The following CHRM5 variants were observed in gnomAD, a reference collection of about 807,000 sequenced individuals.
CHRM5 encodes the protein cholinergic receptor muscarinic 5.
A neutral mutation model predicts 39.0 loss-of-function variants in CHRM5; 18 were observed. That is an observed-to-expected ratio of 0.46 (90% CI 0.32 to 0.68). CHRM5 has a LOEUF of 0.68. Among genes scored for constraint, CHRM5 ranks in the 30% least tolerant of loss-of-function variants. The probability of loss-of-function intolerance (pLI) is 0.04; values close to 1 mark genes in which losing one functional copy is unlikely to be tolerated. For missense variants in CHRM5, 515 were observed against 651.1 expected, an observed-to-expected ratio of 0.79 and a Z score of 2.28; for synonymous variants, 241 against 246.3, an observed-to-expected ratio of 0.98 and a Z score of 0.20.
At chr15:34,013,712 G>A (rs139709080) in intron 1 of CHRM5, among the ~76,000 whole-genome samples, 7 of 152,204 alleles carry the variant, frequency 4.6e-5, no homozygotes, top group East Asian at 3.9e-4. Context: ...AAGATGTTAC[G>A]GAAGCACAGA....
intron 1 of CHRM5, among the ~76,000 whole-genome samples, chr15:33,977,956 A>C (rs1895955978): frequency 6.6e-6 from 1 of 151,490 alleles, no homozygotes; most frequent in East Asian, 1.9e-4. Context: ...AAAGAAAAGA[A>C]AAGAAAGAGA....
intron 2 of CHRM5, among the ~76,000 whole-genome samples, chr15:34,050,592 G>A (rs1899896774): frequency 6.6e-6 from 1 of 152,134 alleles, no homozygotes; most frequent in Admixed American, 6.5e-5. Flanking sequence ...TCAGTATGCT[G>A]TCTTCAAGAG....
chr15:34,039,931 C>A (rs1899394195), intron 1 of CHRM5, among the ~76,000 whole-genome samples: 1 of 152,104 alleles, frequency 6.6e-6, no homozygotes, highest in Admixed American at 6.5e-5. Flanking sequence ...AAGGAGAAAA[C>A]AGGAAGGGGA....
chr15:34,063,446 GC>G lies in CHRM5; in HGVS notation c.731del (p.Pro244GlnfsTer104). ...CTGTGACCAAAGCTGAGAAGAGAAA[GC>G]CAGCTCATAGGGCTCTGTTCAGATC... is the stretch of plus-strand genomic sequence containing the variant. ...DSVTKAEKRK[P>X]AHRALFRSCL... On this transcript the variant is annotated frameshift_variant, in exon 3 of 3. Coordinates refer to ENST00000383263, the MANE Select transcript of CHRM5 (RefSeq NM_012125.4). LOFTEE classifies it high-confidence loss of function. This position sits in a 1 kb window ranked among gnomAD's most constrained non-coding sequence, Gnocchi z 4.1. The G allele has an allele frequency of 2.5e-6, 4 of 1,613,826 alleles. No homozygotes were observed. The highest frequency in any genetic ancestry group is 2.5e-6 in the Non-Finnish European group (3 of 1,180,034).
chr15:33,973,512 A>G (rs954958229), intron 1 of CHRM5, among the ~76,000 whole-genome samples: 1 of 152,164 alleles, frequency 6.6e-6, no homozygotes, highest in African/African-American at 2.4e-5. Context: ...CTTCCCCAAC[A>G]CTTTGAGGAT....
At chr15:33,979,212 T>C (rs1282399357) in intron 1 of CHRM5, among the ~76,000 whole-genome samples, 1 of 152,196 alleles carries the variant, frequency 6.6e-6, no homozygotes, top group African/African-American at 2.4e-5. Context: ...AATGGGTATC[T>C]AGGCTATTAT....
intron 1 of CHRM5, among the ~76,000 whole-genome samples, chr15:34,017,951 G>A (rs760128625): frequency 2.0e-5 from 3 of 152,136 alleles, no homozygotes; most frequent in African/African-American, 7.2e-5. Context: ...GGTCTGTGGC[G>A]ATACTGATGT....
At chr15:34,007,135 A>G (rs759830121) in intron 1 of CHRM5, 21 of 746,730 alleles carry the variant, frequency 2.8e-5, no homozygotes, top group Non-Finnish European at 3.1e-5. Flanking sequence ...TAATCAAACT[A>G]CTGCCGAGCT....
intron 2 of CHRM5, among the ~76,000 whole-genome samples, chr15:34,049,471 T>G (rs1003618940): frequency 2.6e-5 from 4 of 152,142 alleles, no homozygotes; most frequent in Non-Finnish European, 4.4e-5. Flanking sequence ...TGAAGACTAT[T>G]TTTCTGAAAT....
At chr15:33,984,105 A>G (rs1208657030) in intron 1 of CHRM5, among the ~76,000 whole-genome samples, 1 of 151,824 alleles carries the variant, frequency 6.6e-6, no homozygotes, top group African/African-American at 2.4e-5. Context: ...AAAGGACATC[A>G]GTGGAAAAAA....
intron 1 of CHRM5, among the ~76,000 whole-genome samples, chr15:34,025,695 C>A (rs187370862): frequency 6.6e-6 from 1 of 151,956 alleles, no homozygotes; most frequent in Non-Finnish European, 1.5e-5. Flanking sequence ...TCATATCCAC[C>A]GCTCAAAGGT....
intron 1 of CHRM5, among the ~76,000 whole-genome samples, chr15:33,978,154 A>C (rs1441748942): frequency 2.0e-5 from 3 of 152,194 alleles, no homozygotes; most frequent in Non-Finnish European, 4.4e-5. Flanking sequence ...CGATCCAAGT[A>C]CATGAAGAAA....
intron 1 of CHRM5, among the ~76,000 whole-genome samples, chr15:34,013,824 A>G (rs1352155366): frequency 6.6e-6 from 1 of 152,138 alleles, no homozygotes; most frequent in Non-Finnish European, 1.5e-5. Flanking sequence ...GGCTGAGGGA[A>G]GAGTATGTAC....
chr15:34,027,930 T>C (rs1898571437), intron 1 of CHRM5, among the ~76,000 whole-genome samples: 1 of 151,894 alleles, frequency 6.6e-6, no homozygotes, highest in Non-Finnish European at 1.5e-5. Flanking sequence ...ATCTGGAAGA[T>C]ATACACATGT....
intron 1 of CHRM5, among the ~76,000 whole-genome samples, chr15:34,022,892 G>A (rs1247065440): frequency 1.3e-5 from 2 of 152,226 alleles, no homozygotes; most frequent in African/African-American, 4.8e-5. Flanking sequence ...AAGCCAGATA[G>A]AAAAGAACAA....
intron 2 of CHRM5, among the ~76,000 whole-genome samples, chr15:34,055,054 T>C (rs9707955): frequency 0.31 from 47,107 of 151,236 alleles, 7,752 homozygotes; most frequent in African/African-American, 0.4. Context: ...TAGCTGGGCA[T>C]GGTGGCACAT....
At chr15:34,021,004 T>G (rs1198703511) in intron 1 of CHRM5, among the ~76,000 whole-genome samples, 1 of 152,236 alleles carries the variant, frequency 6.6e-6, no homozygotes, top group Non-Finnish European at 1.5e-5. Context: ...AGTCTTTTTC[T>G]GCATATACAC....
chr15:34,020,237 G>T (rs1277591469), intron 1 of CHRM5, among the ~76,000 whole-genome samples: 1 of 152,070 alleles, frequency 6.6e-6, no homozygotes, highest in Non-Finnish European at 1.5e-5. Context: ...CGTGAACCAG[G>T]GAGGCGGAGC....
intron 1 of CHRM5, chr15:33,971,962 T>A (rs1895657376): frequency 6.6e-6 from 1 of 152,132 alleles, no homozygotes; most frequent in Admixed American, 6.5e-5. Context: ...CAGATGATTA[T>A]ATGCTTTCAG....
Sources: gnomAD v4.1 joint callset for allele counts (sites outside exome capture counted in the v4.1 genomes callset) on GRCh38, gnomAD v4.1.1 for gene constraint, Gnocchi (gnomAD v3.1) non-coding constraint, MANE v1.5 for transcripts, NCBI Gene and HGNC (gene_info 2026-07-23, HGNC 2026-07-21) for gene names.